The following NRXN3 variants were observed in gnomAD, a reference collection of about 807,000 sequenced individuals.
NRXN3 encodes the protein neurexin 3, also known as neurexin III.
Under a neutral mutation model 137.6 loss-of-function variants are expected in NRXN3, and 32 were observed. The observed-to-expected ratio is 0.23, with a 90% CI of 0.18 to 0.31. The LOEUF (loss-of-function observed/expected upper bound fraction) is 0.31. Among genes scored for constraint, NRXN3 ranks in the 10% least tolerant of loss-of-function variants. The probability of loss-of-function intolerance (pLI) is 1.00; values close to 1 mark genes in which losing one functional copy is unlikely to be tolerated. For missense variants in NRXN3, 1,574 were observed against 2,062.5 expected, an observed-to-expected ratio of 0.76 and a Z score of 4.59; for synonymous variants, 798 against 784.5, an observed-to-expected ratio of 1.02 and a Z score of -0.29.
At chr14:78,586,863 A>G (rs1214780930) in intron 4 of NRXN3, among the ~76,000 whole-genome samples, 1 of 152,260 alleles carries the variant, frequency 6.6e-6, no homozygotes, top group Non-Finnish European at 1.5e-5. Flanking sequence ...CATTTTGTGT[A>G]TCAGGATTTT....
At chr14:78,957,097 T>A (rs2099398252) in intron 10 of NRXN3, 145 bp from the exon 11 acceptor site, 6 of 769,612 alleles carry the variant, frequency 7.8e-6, no homozygotes, top group Non-Finnish European at 1.1e-5. Flanking sequence ...ATCCACTGGA[T>A]CAGTAAAATT....
At chr14:78,770,200 A>G (rs1250669795) in intron 8 of NRXN3, among the ~76,000 whole-genome samples, 1 of 152,172 alleles carries the variant, frequency 6.6e-6, no homozygotes, top group Admixed American at 6.5e-5. Flanking sequence ...GGCTTTGAAC[A>G]ATAAGGACCT....
At chr14:79,272,814 A>C (rs1263175959) in intron 15 of NRXN3, among the ~76,000 whole-genome samples, 2 of 152,204 alleles carry the variant, frequency 1.3e-5, no homozygotes, top group African/African-American at 4.8e-5. Context: ...TCTGCAGAAG[A>C]TAGGCAAAGA....
intron 15 of NRXN3, among the ~76,000 whole-genome samples, chr14:79,452,184 C>T (rs2096184385): frequency 6.6e-6 from 1 of 151,524 alleles, no homozygotes; most frequent in Admixed American, 6.6e-5. Flanking sequence ...ATGCCAAAAT[C>T]TTTGCACATG....
chr14:79,729,503 G>T (rs2098913848), intron 19 of NRXN3, among the ~76,000 whole-genome samples: 1 of 152,068 alleles, frequency 6.6e-6, no homozygotes, highest in South Asian at 2.1e-4. Context: ...AACCAGTTAG[G>T]GTCTTTTATT....
chr14:78,682,891 A>G (rs1398953758), intron 6 of NRXN3, among the ~76,000 whole-genome samples: 1 of 152,202 alleles, frequency 6.6e-6, no homozygotes, highest in South Asian at 2.1e-4. Context: ...TTCATCAAGT[A>G]TTATCAGAAA....
intron 8 of NRXN3, among the ~76,000 whole-genome samples, chr14:78,798,208 G>C (rs1054881733): frequency 1.3e-5 from 2 of 152,142 alleles, no homozygotes; most frequent in South Asian, 4.1e-4. Flanking sequence ...AAAATCAAAA[G>C]CAAGTTAGTT....
At chr14:78,248,656 G>A (rs143888018) in intron 2 of NRXN3, among the ~76,000 whole-genome samples, 180 of 152,222 alleles carry the variant, frequency 1.2e-3, no homozygotes, top group Middle Eastern at 6.8e-3. Context: ...CAGTGCACAT[G>A]CTGCTTGAAT....
intron 15 of NRXN3, among the ~76,000 whole-genome samples, chr14:79,458,122 C>T (rs143190279): frequency 1.8e-4 from 27 of 152,080 alleles, no homozygotes; most frequent in African/African-American, 6.3e-4. Flanking sequence ...GTTGTACATC[C>T]CTGTTAGGTT....
At chr14:78,487,782 AAT>A (rs1266269301) in intron 4 of NRXN3, among the ~76,000 whole-genome samples, 1,570 of 140,234 alleles carry the variant, frequency 0.011, 15 homozygotes, top group East Asian at 0.017. Flanking sequence ...TAAATAAATA[AAT>A]AAATAAAGAT....
At chr14:78,315,999 C>T (rs1465058303) in intron 4 of NRXN3, among the ~76,000 whole-genome samples, 1 of 152,104 alleles carries the variant, frequency 6.6e-6, no homozygotes, top group East Asian at 1.9e-4. Context: ...TAAAGCTGTG[C>T]TTTTTTCTCT....
At chr14:79,338,470 A>G (rs567620262) in intron 15 of NRXN3, among the ~76,000 whole-genome samples, 14 of 152,228 alleles carry the variant, frequency 9.2e-5, no homozygotes, top group Middle Eastern at 3.4e-3. Context: ...GATCATGTGT[A>G]TCGAGAGCTC....
chr14:79,280,798 G>A (rs115571198), intron 15 of NRXN3: 35 of 460,812 alleles, frequency 7.6e-5, no homozygotes, highest in African/African-American at 6.5e-4. Context: ...TAGCTGCACA[G>A]ACACCACACT....
chr14:79,625,624 T>C (rs942586674), intron 16 of NRXN3, among the ~76,000 whole-genome samples: 2 of 152,218 alleles, frequency 1.3e-5, no homozygotes, highest in African/African-American at 2.4e-5. Context: ...CCAAATGAGA[T>C]GGAAGTACAT....
chr14:79,295,265 T>C (rs1416383156), intron 15 of NRXN3, among the ~76,000 whole-genome samples: 1 of 152,146 alleles, frequency 6.6e-6, no homozygotes. Flanking sequence ...TTCATCCAGA[T>C]TGCCGTATGG....
intron 6 of NRXN3, among the ~76,000 whole-genome samples, chr14:78,699,134 G>A (rs1044833401): frequency 2.0e-5 from 3 of 152,024 alleles, no homozygotes; most frequent in African/African-American, 7.3e-5. Context: ...AGCACAATGT[G>A]ATAGATACAA....
intron 20 of NRXN3, among the ~76,000 whole-genome samples, chr14:79,805,924 A>G (rs1200786932): frequency 6.6e-6 from 1 of 151,986 alleles, no homozygotes; most frequent in African/African-American, 2.4e-5. Flanking sequence ...ATACATTTTG[A>G]TGTTTTATGG....
At chr14:79,785,951 C>G (rs539673769) in intron 19 of NRXN3, among the ~76,000 whole-genome samples, 1 of 151,850 alleles carries the variant, frequency 6.6e-6, no homozygotes, top group Non-Finnish European at 1.5e-5. Flanking sequence ...TCCAAGTGCC[C>G]TTTACCTCCA....
At chr14:78,383,945 A>G (rs751034873) in intron 4 of NRXN3, among the ~76,000 whole-genome samples, 21 of 152,346 alleles carry the variant, frequency 1.4e-4, no homozygotes, top group Admixed American at 4.6e-4. Context: ...TTTGGTCTAC[A>G]TGGAGTCTAC....
Sources: allele counts gnomAD v4.1 joint callset (sites outside exome capture counted in the v4.1 genomes callset), GRCh38; gene constraint gnomAD v4.1.1; transcripts MANE v1.5; gene names NCBI Gene and HGNC (gene_info 2026-07-23, HGNC 2026-07-21).